Variants in PCGF5 observed in about 807,000 individuals in gnomAD.
PCGF5 encodes polycomb group ring finger 5.
A neutral mutation model predicts 44.3 loss-of-function variants in PCGF5; 9 were observed. That is an observed-to-expected ratio of 0.20 (90% CI 0.12 to 0.35). The LOEUF (loss-of-function observed/expected upper bound fraction) is 0.35, where lower values mean the gene tolerates loss of function less well. Ranked by LOEUF, PCGF5 falls within the 10% of genes least tolerant of loss-of-function variation. The pLI, the probability that PCGF5 is intolerant of heterozygous loss-of-function variation, is 1.00. For missense variants in PCGF5, 146 were observed against 305.3 expected (o/e 0.48, Z 3.89); for synonymous variants, 95 against 102.5 (o/e 0.93, Z 0.44).
intron 5 of PCGF5, 72 bp downstream of exon 5, chr10:91,248,796 A>C: frequency 8.0e-7 from 1 of 1,244,426 alleles, no homozygotes; most frequent in Non-Finnish European, 1.1e-6. Flanking sequence ...TAGGTGAACT[A>C]ATATGTCTCT....
chr10:91,265,416 A>C (rs1217722895), intron 8 of PCGF5, among the ~76,000 whole-genome samples: 1 of 152,164 alleles, frequency 6.6e-6, no homozygotes, highest in Non-Finnish European at 1.5e-5. Flanking sequence ...AGTAGATAAC[A>C]TCTAAGATTA....
chr10:91,183,034 G>A (rs1191700592), intron 1 of PCGF5, among the ~76,000 whole-genome samples: 3 of 152,082 alleles, frequency 2.0e-5, no homozygotes, highest in East Asian at 1.9e-4. Flanking sequence ...TTTTACTTCC[G>A]ATTATATGAT....
chr10:91,227,793 C>CTTG, intron 2 of PCGF5: 3 of 990,474 alleles, frequency 3.0e-6, no homozygotes, highest in Non-Finnish European at 3.6e-6. Context: ...CATACAAATA[C>CTTG]TTGGTTCAAC....
At chr10:91,252,192 A>T (rs1394422590) in intron 6 of PCGF5, among the ~76,000 whole-genome samples, 1 of 151,976 alleles carries the variant, frequency 6.6e-6, no homozygotes, top group Non-Finnish European at 1.5e-5. Context: ...TTATCCTAGC[A>T]AATGTCAGCC....
At chr10:91,245,523 CTTTAT>C (rs10600191) in intron 3 of PCGF5, among the ~76,000 whole-genome samples, 18,020 of 151,800 alleles carry the variant, frequency 0.12, 1,918 homozygotes, top group African/African-American at 0.28. Context: ...CAAGAAGGTT[CTTTAT>C]TTTGTTTTGA....
At chr10:91,217,137 C>G (rs1411057882), upstream of PCGF5, among the ~76,000 whole-genome samples, 1 of 152,050 alleles carries the variant, frequency 6.6e-6, no homozygotes, top group Non-Finnish European at 1.5e-5. Context: ...GGGTTCACGC[C>G]ATTCTCCTGC....
At chr10:91,215,293 G>GTCT (rs1358497783), upstream of PCGF5, among the ~76,000 whole-genome samples, 98 of 152,060 alleles carry the variant, frequency 6.4e-4, no homozygotes, top group Non-Finnish European at 5.9e-5. Context: ...TCAAAGCCTC[G>GTCT]TCTTTTATAA....
At chr10:91,262,123 A>G (rs1845928486) in intron 7 of PCGF5, among the ~76,000 whole-genome samples, 1 of 152,142 alleles carries the variant, frequency 6.6e-6, no homozygotes, top group Non-Finnish European at 1.5e-5. Flanking sequence ...TGATAGTAGC[A>G]TCTAGAAAAT....
intron 1 of PCGF5, among the ~76,000 whole-genome samples, chr10:91,200,610 T>C (rs147829584): frequency 1.3e-5 from 2 of 152,280 alleles, no homozygotes; most frequent in Admixed American, 6.5e-5. Flanking sequence ...GTTTTTAAGA[T>C]ATTGAGTCTT....
chr10:91,203,961 G>A (rs541818436), intron 1 of PCGF5, among the ~76,000 whole-genome samples: 1 of 152,106 alleles, frequency 6.6e-6, no homozygotes, highest in Non-Finnish European at 1.5e-5. Context: ...ACACTTTTAT[G>A]CAGTTTTCAT....
Position 91,240,509 on chromosome 10 carries a change from C to T in PCGF5, c.138C>T (p.His46=), listed in dbSNP as rs1845295568. Residue 46 remains histidine (H), a synonymous_variant, in exon 3 of 10, where the codon CAC becomes CAT. Transcript: ENST00000336126. ...HTFCKTCIVQ[H]FEDSNDCPRC... is the part of the protein sequence containing the mutation. ...TCTGTAAGACTTGTATTGTTCAGCA[C>T]TTTGAAGATAGCAATGATTGCCCAA... is the stretch of plus-strand genomic sequence containing the variant. 6.2e-7 allele frequency: 1 copy of T among 1,611,326 alleles called. No homozygotes were observed. The highest frequency in any genetic ancestry group is 1.7e-5 in the Admixed American group (1 of 59,724).
Position 91,220,705 on chromosome 10 carries a change from C to T in PCGF5, c.-315C>T, listed in dbSNP as rs1263999791. On this transcript the variant is annotated 5_prime_UTR_variant, in exon 1 of 10. Coordinates refer to ENST00000336126, the MANE Select transcript of PCGF5 (RefSeq NM_032373.5). ...TGGCCCCACAGAGCCGGCGCGCTCCCGCCTGCAGGGGGAGAGCAGACGGGG... is the reference window on the plus strand; with the variant it reads ...TGGCCCCACAGAGCCGGCGCGCTCCTGCCTGCAGGGGGAGAGCAGACGGGG... 1 of 152,018 alleles carries T rather than the reference C, an allele frequency of 6.6e-6. No individual in the cohort carries two copies. Among genetic ancestry groups the T allele is most frequent in the Non-Finnish European group, 1.5e-5 (1 of 68,006 alleles). The allele number at this position is 152,018 out of a possible 1,614,324, so 9.4% of individuals were successfully genotyped here.
At chr10:91,238,127 A>G (rs941255551) in intron 2 of PCGF5, among the ~76,000 whole-genome samples, 10 of 152,230 alleles carry the variant, frequency 6.6e-5, no homozygotes, top group African/African-American at 2.2e-4. Context: ...TCTGAAGTCT[A>G]GTGTGTATTT....
chr10:91,178,767 T>TAAAA (rs5786944), intron 1 of PCGF5, among the ~76,000 whole-genome samples: 1 of 149,584 alleles, frequency 6.7e-6, no homozygotes, highest in African/African-American at 2.5e-5. Context: ...TTAAAAATAG[T>TAAAA]AAAAAAAAAA....
chr10:91,205,198 C>G (rs2133241145), intron 1 of PCGF5, among the ~76,000 whole-genome samples: 1 of 152,102 alleles, frequency 6.6e-6, no homozygotes. Context: ...TTTGATTTTC[C>G]CTGTCATCCA....
At chr10:91,210,504 T>C (rs368167985) in intron 1 of PCGF5, among the ~76,000 whole-genome samples, 47 of 152,348 alleles carry the variant, frequency 3.1e-4, no homozygotes, top group African/African-American at 1.1e-3. Flanking sequence ...ACTGGATAAC[T>C]GGCTTAGCTT....
intron 8 of PCGF5, among the ~76,000 whole-genome samples, chr10:91,265,816 T>G (rs1846038509): frequency 1.3e-5 from 2 of 152,184 alleles, no homozygotes; most frequent in Admixed American, 1.3e-4. Context: ...AAAGCCCTGC[T>G]TAAAGCCTTC....
At chr10:91,187,009 G>A (rs1843938424) in intron 1 of PCGF5, among the ~76,000 whole-genome samples, 1 of 152,198 alleles carries the variant, frequency 6.6e-6, no homozygotes, top group Admixed American at 6.5e-5. Flanking sequence ...TTACATTGCA[G>A]ATTCTGGTTT....
At chr10:91,206,951 A>G (rs974353332) in intron 1 of PCGF5, among the ~76,000 whole-genome samples, 2 of 152,100 alleles carry the variant, frequency 1.3e-5, no homozygotes, top group African/African-American at 4.8e-5. Flanking sequence ...TCTTTACAGC[A>G]CTGATCACTA....
Sources: gnomAD v4.1 joint callset for allele counts (sites outside exome capture counted in the v4.1 genomes callset) on GRCh38, gnomAD v4.1.1 for gene constraint, MANE v1.5 for transcripts, NCBI Gene and HGNC (gene_info 2026-07-23, HGNC 2026-07-21) for gene names.